The following SLC15A5 variants were observed in gnomAD, a reference collection of about 807,000 sequenced individuals.
SLC15A5 encodes Peptide/histidine transporter ENSP00000340402.
Under a neutral mutation model 56.1 loss-of-function variants are expected in SLC15A5, and 58 were observed. The ratio of observed to expected loss-of-function variants is 1.03; its 90% CI spans 0.84 to 1.29. The LOEUF is 1.29. SLC15A5 is among the 50% of genes most tolerant of loss of function. The pLI, the probability that SLC15A5 is intolerant of heterozygous loss-of-function variation, is 0.00. For synonymous variants in SLC15A5, 264 were observed against 250.5 expected (o/e 1.05, Z -0.51); for missense variants, 681 against 672.1 (o/e 1.01, Z -0.15).
At chr12:16,246,351 A>G (rs1055613029) in intron 3 of SLC15A5, among the ~76,000 whole-genome samples, 1 of 152,212 alleles carries the variant, frequency 6.6e-6, no homozygotes, top group East Asian at 1.9e-4. Context: ...GAACTGCTCT[A>G]TTATGAGACT....
intron 7 of SLC15A5, among the ~76,000 whole-genome samples, chr12:16,211,617 T>C (rs1007203401): frequency 6.6e-6 from 1 of 152,210 alleles, no homozygotes; most frequent in Admixed American, 6.5e-5. Flanking sequence ...TAAGTTCGAA[T>C]TCATGAGTGT....
Position 16,239,723 on chromosome 12 carries a change from A to G in SLC15A5, c.1120T>C (p.Phe374Leu), listed in dbSNP as rs1298809090. Residue 374 changes from phenylalanine to leucine, a missense_variant, in exon 5 of 9, where the codon TTT (phenylalanine) becomes CTT (leucine). Transcript: ENST00000344941. ...PFLEYFSTCL[F>L]PSKRVGSFLS... ...AATGATCCAACTCTCTTAGAGGGAA[A>G]CAGGCAGGTGCTGAAATACTCCAGA... is the stretch of plus-strand genomic sequence containing the variant. The G allele has an allele frequency of 6.5e-7, 1 of 1,537,408 alleles. No individual in the cohort carries two copies. The highest frequency in any genetic ancestry group is 1.2e-5 in the South Asian group (1 of 84,050).
intron 2 of SLC15A5, 36 bp downstream of exon 2, chr12:16,272,525 A>G (rs1864770465): frequency 6.6e-7 from 1 of 1,521,954 alleles, no homozygotes; most frequent in East Asian, 2.4e-5. Context: ...GAGAATGGTC[A>G]TAAGCCTCTT....
chr12:16,247,167 A>G (rs1864470164), intron 3 of SLC15A5, among the ~76,000 whole-genome samples: 1 of 152,206 alleles, frequency 6.6e-6, no homozygotes, highest in Non-Finnish European at 1.5e-5. Flanking sequence ...GCTTTATGTG[A>G]AGCACTGGCT....
chr12:16,274,726 T>C (rs537758276), intron 1 of SLC15A5, among the ~76,000 whole-genome samples: 1 of 152,180 alleles, frequency 6.6e-6, no homozygotes, highest in Non-Finnish European at 1.5e-5. Flanking sequence ...CAAAGGGATG[T>C]CCAAAGAGGA....
intron 2 of SLC15A5, among the ~76,000 whole-genome samples, chr12:16,258,779 C>A (rs1335347601): frequency 6.6e-6 from 1 of 151,992 alleles, no homozygotes; most frequent in Non-Finnish European, 1.5e-5. Context: ...CTGATCAACT[C>A]AAGTCAACTG....
chr12:16,271,748 T>C lies in SLC15A5; in HGVS notation c.584+813A>G, dbSNP rs752275675. 2.6e-5 allele frequency among the ~76,000 whole-genome samples: 4 copies of C among 152,158 alleles called. No homozygotes were observed. The highest frequency in any genetic ancestry group is 6.5e-5 in the Admixed American group (1 of 15,270). On this transcript the variant is annotated intron_variant, in intron 2 of 8. Transcript: ENST00000344941. This position sits in a 1 kb window ranked among gnomAD's most constrained non-coding sequence, Gnocchi z 8.0. ...AATAACAAAGAAGTTTTATACTAAA[T>C]TCTTAACTACCCTCCCTTAAGATCC...
rs962729344 is a variant in SLC15A5 at position 16,277,414 on chromosome 12, A to G, written c.272T>C (p.Ile91Thr). The G allele has an allele frequency of 1.2e-5, 18 of 1,536,450 alleles. No homozygotes were observed. Among genetic ancestry groups the G allele is most frequent in the Non-Finnish European group, 1.5e-5 (17 of 1,146,442 alleles). ...ILNLCFIGTSILTPVFVRWLT... is the reference protein window; with the variant it reads ...ILNLCFIGTSTLTPVFVRWLT... ...CCATCTGACAAACACAGGGGTAAGT[A>G]TTGAAGTTCCAATAAAACACAAGTT... The change falls in exon 1 of 9, where the codon ATA becomes ACA. Residue 91 changes from isoleucine to threonine, a missense_variant. Coordinates refer to ENST00000344941, the MANE Select transcript of SLC15A5 (RefSeq NM_001170798.1).
intron 8 of SLC15A5, among the ~76,000 whole-genome samples, chr12:16,190,286 G>C (rs1226084878): frequency 6.6e-6 from 1 of 152,150 alleles, no homozygotes; most frequent in Non-Finnish European, 1.5e-5. Context: ...TGTCTTCTAA[G>C]TACCAGCCCC....
intron 8 of SLC15A5, among the ~76,000 whole-genome samples, chr12:16,193,675 G>C (rs7297251): frequency 0.48 from 73,002 of 151,250 alleles, 18,086 homozygotes; most frequent in South Asian, 0.72. Context: ...ATTCGTCCCC[G>C]TAAAACCCAC....
At chr12:16,230,967 A>T (rs187391956) in intron 5 of SLC15A5, among the ~76,000 whole-genome samples, 1 of 152,172 alleles carries the variant, frequency 6.6e-6, no homozygotes, top group East Asian at 1.9e-4. Flanking sequence ...ATGTTCTTCA[A>T]GGTTTAGGAC....
At chr12:16,236,632 C>T (rs1864354589) in intron 5 of SLC15A5, among the ~76,000 whole-genome samples, 1 of 152,152 alleles carries the variant, frequency 6.6e-6, no homozygotes, top group Admixed American at 6.5e-5. Context: ...ATCTCTCACT[C>T]TTGGTCTGGG....
chr12:16,262,618 A>G (rs1864653355), intron 2 of SLC15A5, among the ~76,000 whole-genome samples: 1 of 152,250 alleles, frequency 6.6e-6, no homozygotes, highest in African/African-American at 2.4e-5. Flanking sequence ...AGGAACAAAA[A>G]TAGCAGTGAA....
chr12:16,199,553 C>T (rs1863931895), intron 7 of SLC15A5, among the ~76,000 whole-genome samples: 1 of 152,086 alleles, frequency 6.6e-6, no homozygotes, highest in African/African-American at 2.4e-5. Flanking sequence ...CGTATCACTA[C>T]TCAGAACCAA....
At chr12:16,270,827 C>T (rs1277031860) in intron 2 of SLC15A5, among the ~76,000 whole-genome samples, 1 of 152,140 alleles carries the variant, frequency 6.6e-6, no homozygotes, top group Non-Finnish European at 1.5e-5. Context: ...TTGCTATAAA[C>T]TGCAGTAAGG....
intron 3 of SLC15A5, among the ~76,000 whole-genome samples, chr12:16,257,133 C>CAG (rs758829657): frequency 1.8e-4 from 27 of 151,440 alleles, no homozygotes; most frequent in Admixed American, 1.8e-3. Flanking sequence ...GTGTGTGTGA[C>CAG]AGAGAGAGAG....
At chr12:16,195,728 G>A (rs1863888802) in intron 7 of SLC15A5, among the ~76,000 whole-genome samples, 1 of 152,028 alleles carries the variant, frequency 6.6e-6, no homozygotes, top group South Asian at 2.1e-4. Context: ...AGTGGTTCTT[G>A]GCCTCTCCCT....
chr12:16,254,544 A>G (rs1321402718), intron 3 of SLC15A5, among the ~76,000 whole-genome samples: 1 of 152,144 alleles, frequency 6.6e-6, no homozygotes, highest in Non-Finnish European at 1.5e-5. Flanking sequence ...TTTATGGCTG[A>G]ATAGTATTCC....
At chr12:16,256,992 T>C (rs1864582648) in intron 3 of SLC15A5, among the ~76,000 whole-genome samples, 1 of 152,056 alleles carries the variant, frequency 6.6e-6, no homozygotes, top group African/African-American at 2.4e-5. Context: ...TTTAAACCTT[T>C]TTTGGATTTG....
Sources: gnomAD v4.1 joint callset for allele counts (sites outside exome capture counted in the v4.1 genomes callset) on GRCh38, gnomAD v4.1.1 for gene constraint, Gnocchi (gnomAD v3.1) non-coding constraint, MANE v1.5 for transcripts, NCBI Gene and HGNC (gene_info 2026-07-23, HGNC 2026-07-21) for gene names.